The following KDM5B variants were observed in gnomAD, a reference collection of about 807,000 sequenced individuals.
The protein encoded by KDM5B is lysine-specific demethylase 5B.
Under a neutral mutation model 193.4 loss-of-function variants are expected in KDM5B, and 144 were observed. The observed-to-expected ratio is 0.74, with a 90% CI of 0.65 to 0.86. The LOEUF (loss-of-function observed/expected upper bound fraction) is 0.86, where lower values mean the gene tolerates loss of function less well. KDM5B is among the 40% of genes least tolerant of loss of function. The pLI is 0.00. For synonymous variants in KDM5B, 668 were observed against 682.6 expected, an observed-to-expected ratio of 0.98 and a Z score of 0.33; for missense variants, 1,833 against 1,886.9, an observed-to-expected ratio of 0.97 and a Z score of 0.53.
chr1:202,793,834 C>G (rs1657735100), intron 1 of KDM5B, among the ~76,000 whole-genome samples: 1 of 152,016 alleles, frequency 6.6e-6, no homozygotes, highest in South Asian at 2.1e-4. Flanking sequence ...TGGGAAAAGC[C>G]ACAAGGTTAC....
chr1:202,745,891 C>T lies in KDM5B; in HGVS notation c.2290G>A (p.Glu764Lys). The change falls in exon 16 of 27, where the codon GAA becomes AAA. Residue 764 changes from glutamate (E) to lysine (K), a missense_variant. By Grantham distance (56) the Glu-to-Lys change is moderately conservative. Transcript: ENST00000367265. ...TTGTTGATCTTTGCCTCCAAAGCTT[C>T]ATTCACATTCAAGGCCCATTCGTTG... ...SYNEWALNVN[E>K]ALEAKINKKK... is the part of the protein sequence containing the mutation. 6.2e-7 allele frequency: 1 copy of T among 1,614,076 alleles called. No homozygotes were observed. Among genetic ancestry groups the T allele is most frequent in the Non-Finnish European group, 8.5e-7 (1 of 1,179,950 alleles).
chr1:202,774,752 T>C lies in KDM5B; in HGVS notation c.283-17A>G, dbSNP rs1656867947. On this transcript the variant is annotated splice_polypyrimidine_tract_variant and intron_variant, in intron 2 of 26. Transcript: ENST00000367265. ...AGTTTGGGCCTAAAAGACAAAGAAT[T>C]GAGTTTTCATCTCATTTAGCTTATT... 1 of 1,610,146 alleles carries C rather than the reference T, an allele frequency of 6.2e-7. No individual in the cohort carries two copies. Among genetic ancestry groups the C allele is most frequent in the Non-Finnish European group, 8.5e-7 (1 of 1,177,604 alleles).
At chr1:202,797,374 T>C (rs1167925424) in intron 1 of KDM5B, among the ~76,000 whole-genome samples, 1 of 152,194 alleles carries the variant, frequency 6.6e-6, no homozygotes, top group Non-Finnish European at 1.5e-5. Flanking sequence ...TTTCCCTCTG[T>C]GCTTGCTGTA....
intron 20 of KDM5B, 38 bp downstream of exon 20, chr1:202,740,636 T>C (rs975237504): frequency 1.3e-6 from 2 of 1,558,094 alleles, no homozygotes; most frequent in Admixed American, 3.5e-5. Flanking sequence ...TCTTTATGGA[T>C]GCACTTACAC....
chr1:202,785,768 G>A (rs1657385190), intron 1 of KDM5B, among the ~76,000 whole-genome samples: 4 of 151,992 alleles, frequency 2.6e-5, no homozygotes, highest in Admixed American at 1.3e-4. Flanking sequence ...AAGTTAGCTC[G>A]GTGTGGTGGT....
intron 1 of KDM5B, among the ~76,000 whole-genome samples, chr1:202,801,975 C>T (rs1041855510): frequency 6.7e-5 from 10 of 150,240 alleles, no homozygotes; most frequent in Admixed American, 1.3e-4. Context: ...ACCTTCATTC[C>T]ATCTTTTTTT....
chr1:202,733,520 G>A lies in KDM5B; in HGVS notation c.3790C>T (p.His1264Tyr). The change falls in exon 23 of 27, where the codon CAC (histidine) becomes TAC (tyrosine). Residue 1264 changes from histidine (H) to tyrosine (Y), a missense_variant. Transcript: ENST00000367265. ...YMIERTVNWQ[H>Y]RAQQLLSSGN... The stretch of plus-strand genomic sequence containing the variant: ...GACGAAAGCAGTTGCTGGGCTCTGT[G>A]CTGCCAGTTCACGGTTCTTTCAATC... 1 of 1,614,148 alleles carries A rather than the reference G, an allele frequency of 6.2e-7. No homozygotes were observed. Among genetic ancestry groups the A allele is most frequent in the East Asian group, 2.2e-5 (1 of 44,886 alleles).
chr1:202,776,757 G>C (rs1272657343), intron 2 of KDM5B, among the ~76,000 whole-genome samples: 1 of 151,994 alleles, frequency 6.6e-6, no homozygotes, highest in Non-Finnish European at 1.5e-5. Flanking sequence ...AGCAGAGACA[G>C]GGTCCCGCTA....
At chr1:202,742,884 T>C (rs998788341) in intron 16 of KDM5B, 79 bp from the exon 17 acceptor site, 7 of 1,183,992 alleles carry the variant, frequency 5.9e-6, no homozygotes, top group Non-Finnish European at 8.4e-6. Flanking sequence ...AGGAGACTGG[T>C]TTTGTCAGTT....
At chr1:202,736,891 C>T (rs1655118345) in intron 20 of KDM5B, among the ~76,000 whole-genome samples, 1 of 152,174 alleles carries the variant, frequency 6.6e-6, no homozygotes, top group Non-Finnish European at 1.5e-5. Context: ...ATCCTCCCAC[C>T]TTGGCCTCCC....
chr1:202,765,435 G>A (rs1017795363), intron 5 of KDM5B, among the ~76,000 whole-genome samples: 32 of 152,264 alleles, frequency 2.1e-4, no homozygotes, highest in African/African-American at 7.5e-4. Flanking sequence ...ACATTTTAAT[G>A]ATGTCCACTG....
At chr1:202,736,929 G>A (rs1655120085) in intron 20 of KDM5B, among the ~76,000 whole-genome samples, 1 of 152,162 alleles carries the variant, frequency 6.6e-6, no homozygotes, top group Non-Finnish European at 1.5e-5. Flanking sequence ...GTGAGCCACT[G>A]TGCTGGGCCT....
At chr1:202,735,680 G>C in intron 21 of KDM5B, 93 bp from the exon 22 acceptor site, 2 of 1,173,262 alleles carry the variant, frequency 1.7e-6, no homozygotes, top group East Asian at 2.4e-5. Flanking sequence ...GCAGTAAAAA[G>C]GATGTGCATT....
chr1:202,790,580 C>T (rs1403321552), intron 1 of KDM5B, among the ~76,000 whole-genome samples: 2 of 151,938 alleles, frequency 1.3e-5, no homozygotes, highest in African/African-American at 4.8e-5. Context: ...ATTAGCTGGG[C>T]GTGGTGGCAC....
At position 202,725,220 on chromosome 1, in the gene KDM5B, T is replaced by TA. The variant is rs1363697636; in HGVS notation, c.*3815dup. On this transcript the variant is annotated 3_prime_UTR_variant, in exon 27 of 27. Coordinates refer to ENST00000367265, the MANE Select transcript of KDM5B (RefSeq NM_006618.5). ...TGTTCCATTTATACTGATAAAAACGTAAGGTGTATTCCTATGTAAGCAATA... is the reference window on the plus strand; with the variant it reads ...TGTTCCATTTATACTGATAAAAACGTAAAGGTGTATTCCTATGTAAGCAATA... 1 of 152,240 alleles carries TA rather than the reference T, an allele frequency of 6.6e-6. No homozygotes were observed. The highest frequency in any genetic ancestry group is 6.5e-5 in the Admixed American group (1 of 15,284). 9.4% of individuals were successfully genotyped at this position (152,240 alleles called of 1,614,324 possible). A position where few individuals can be genotyped will look rare whatever the true frequency, so the allele number is the denominator to read the frequency against.
chr1:202,806,599 C>G (rs1658302717), intron 1 of KDM5B: 1 of 152,170 alleles, frequency 6.6e-6, no homozygotes, highest in Non-Finnish European at 1.5e-5. Flanking sequence ...TGTATTTCAT[C>G]TCCATTTTCA....
chr1:202,739,387 GAAA>G (rs1234617740), intron 20 of KDM5B, among the ~76,000 whole-genome samples: 1 of 150,994 alleles, frequency 6.6e-6, no homozygotes, highest in Admixed American at 6.6e-5. Context: ...CTAAAATACT[GAAA>G]CTGTGCAGCA....
intron 25 of KDM5B, 136 bp downstream of exon 25, chr1:202,730,773 C>G (rs1654854461): frequency 1.3e-6 from 1 of 746,476 alleles, no homozygotes; most frequent in Admixed American, 3.0e-5. Flanking sequence ...TCAACTAAGT[C>G]AGCATTCAAA....
At position 202,808,057 on chromosome 1, in the gene KDM5B, C is replaced by T. The variant is rs1658381694; in HGVS notation, c.204+45G>A. On this transcript the variant is annotated intron_variant, in intron 1 of 26. Coordinates refer to ENST00000367265, the MANE Select transcript of KDM5B (RefSeq NM_006618.5). ...TCCCCGGACCCGCGCGTCCCCGCTC[C>T]CTCCCCCAGCCACGAGCTGGATCCG... The T allele has an allele frequency of 2.5e-6, 4 of 1,592,570 alleles. No homozygotes were observed. In the South Asian group the frequency reaches 3.4e-5, roughly 13 times the overall value.
Sources: allele counts gnomAD v4.1 joint callset (sites outside exome capture counted in the v4.1 genomes callset), GRCh38; gene constraint gnomAD v4.1.1; transcripts MANE v1.5; gene names NCBI Gene and HGNC (gene_info 2026-07-23, HGNC 2026-07-21).